CLYBL: variants seen among roughly 807,000 people sequenced by gnomAD.
CLYBL encodes the protein citramalyl-CoA lyase, mitochondrial.
In CLYBL, 31 loss-of-function variants were observed where a neutral mutation model predicts 38.9. The observed-to-expected ratio is 0.80, with a 90% CI of 0.60 to 1.08. The LOEUF (loss-of-function observed/expected upper bound fraction) is 1.08, where lower values mean the gene tolerates loss of function less well. Ranked by LOEUF, CLYBL falls within the 50% of genes least tolerant of loss-of-function variation. The probability of loss-of-function intolerance (pLI) is 0.00; values close to 1 mark genes in which losing one functional copy is unlikely to be tolerated. For synonymous variants in CLYBL, 171 were observed against 158.6 expected (o/e 1.08, Z -0.59); for missense variants, 434 against 411.6 (o/e 1.05, Z -0.47).
At position 99,692,286 on chromosome 13, in the gene CLYBL, G is replaced by GTT. The variant is rs71215539; in HGVS notation, c.63-80526_63-80525dup. Among the ~76,000 whole-genome samples, 87 of 115,904 alleles carry GTT rather than the reference G, an allele frequency of 7.5e-4. 1 individual carries two copies. The highest frequency in any genetic ancestry group is 3.1e-3 in the East Asian group (10 of 3,266). The allele number at this position is 115,904 out of a possible 152,430, so 76.0% of individuals were successfully genotyped here. ...CATAAAGTTCACATTTGTTTTTTTT[G>GTT]TTTTTTTTTTTTTGTTTGTTTTTTT... On this transcript the variant is annotated intron_variant, in intron 1 of 8. Coordinates refer to ENST00000339105, the MANE Select transcript of CLYBL (RefSeq NM_206808.5).
At chr13:99,750,327 A>C (rs1222249721) in intron 1 of CLYBL, among the ~76,000 whole-genome samples, 1 of 152,186 alleles carries the variant, frequency 6.6e-6, no homozygotes, top group Non-Finnish European at 1.5e-5. Flanking sequence ...ATCAGCCCTT[A>C]GAGTCAAAAT....
chr13:99,859,111 G>A (rs1359624359), intron 3 of CLYBL, 62 bp downstream of exon 3: 1 of 1,402,378 alleles, frequency 7.1e-7, no homozygotes, highest in East Asian at 2.4e-5. Context: ...GCAGGAAGAA[G>A]GGATCTGGGT....
At chr13:99,907,160 C>T (rs946378761) in intron 9 of CLYBL, among the ~76,000 whole-genome samples, 1 of 152,174 alleles carries the variant, frequency 6.6e-6, no homozygotes. Flanking sequence ...CTGATGCATA[C>T]CAAGCTGCAA....
intron 2 of CLYBL, among the ~76,000 whole-genome samples, chr13:99,794,149 C>T (rs1035850734): frequency 2.0e-5 from 3 of 152,138 alleles, no homozygotes; most frequent in East Asian, 1.9e-4. Context: ...GGCCAGGCGC[C>T]GTGGCTCATG....
chr13:99,890,529 G>A (rs2052462056), intron 7 of CLYBL, among the ~76,000 whole-genome samples: 1 of 152,096 alleles, frequency 6.6e-6, no homozygotes, highest in Non-Finnish European at 1.5e-5. Flanking sequence ...GCAGTGGTGT[G>A]ACCTTGGCTC....
intron 1 of CLYBL, among the ~76,000 whole-genome samples, chr13:99,688,694 A>C (rs1475657962): frequency 6.6e-6 from 1 of 152,094 alleles, no homozygotes; most frequent in Non-Finnish European, 1.5e-5. Flanking sequence ...AGAGAGAAGA[A>C]ATACATTCCT....
At chr13:99,843,531 A>G (rs2051132311) in intron 2 of CLYBL, among the ~76,000 whole-genome samples, 1 of 152,184 alleles carries the variant, frequency 6.6e-6, no homozygotes, top group African/African-American at 2.4e-5. Flanking sequence ...TAGCTGACAC[A>G]TAAAGCATAT....
chr13:99,868,812 A>G (rs1010086496), intron 6 of CLYBL, among the ~76,000 whole-genome samples: 3 of 152,200 alleles, frequency 2.0e-5, no homozygotes, highest in Non-Finnish European at 1.5e-5. Flanking sequence ...CCAGTGCTAC[A>G]TGCTGAGAAG....
In CLYBL at chr13:99,764,346, G is replaced by A. The variant is rs2049226229; in HGVS notation, c.63-8478G>A. 2.0e-5 allele frequency among the ~76,000 whole-genome samples: 3 copies of A among 152,062 alleles called. No homozygotes were observed. In the South Asian group the frequency reaches 6.2e-4, roughly 31 times the overall value. ...TTGTTATTTAAATGTTTGGTAGGATGCGGCAATAAAGCCATTAGGCCATGT... is the reference window on the plus strand; with the variant it reads ...TTGTTATTTAAATGTTTGGTAGGATACGGCAATAAAGCCATTAGGCCATGT... On this transcript the variant is annotated intron_variant, in intron 1 of 8. Transcript: ENST00000339105.
Position 99,637,962 on chromosome 13 carries a change from C to CTTTTTTTTTTTTT in CLYBL, c.62+31212_62+31224dup, listed in dbSNP as rs34513643. Among the ~76,000 whole-genome samples, 39 of 94,990 alleles carry CTTTTTTTTTTTTT rather than the reference C, an allele frequency of 4.1e-4. 3 individuals carry two copies. The highest frequency in any genetic ancestry group is 5.7e-4 in the Admixed American group (4 of 7,058). 62.3% of individuals were successfully genotyped at this position (94,990 alleles called of 152,430 possible). On this transcript the variant is annotated intron_variant, in intron 1 of 8. Transcript: ENST00000339105. ...ATCTAGTTATCCAAGTCAACAGTGCCTTTTTTTTTTTTTTTTTTTGAGACA... is the reference window on the plus strand; with the variant it reads ...ATCTAGTTATCCAAGTCAACAGTGCCTTTTTTTTTTTTTTTTTTTTTTTTTTTTTTTTGAGACA...
At chr13:99,890,725 C>T (rs544760778) in intron 7 of CLYBL, among the ~76,000 whole-genome samples, 1 of 152,302 alleles carries the variant, frequency 6.6e-6, no homozygotes, top group South Asian at 2.1e-4. Context: ...GCCCCGGCCT[C>T]CCAAAGTGCT....
chr13:99,612,386 CT>C (rs56097059), intron 1 of CLYBL, among the ~76,000 whole-genome samples: 160 of 112,336 alleles, frequency 1.4e-3, no homozygotes, highest in African/African-American at 4.8e-3. Context: ...GACCTTTCTA[CT>C]TTTTTTTTTT....
Position 99,865,463 on chromosome 13 carries a change from AC to A in CLYBL, c.634+553del. The stretch of plus-strand genomic sequence containing the variant: ...ATTCTCACCATCCCTTGTGAGCTGC[AC>A]TTGAGGGGTCTGCATGTTTGACTGG... On this transcript the variant is annotated intron_variant, in intron 5 of 8. Coordinates refer to ENST00000339105, the MANE Select transcript of CLYBL (RefSeq NM_206808.5). The surrounding 1 kb of genome is among the most constrained non-coding windows in gnomAD (Gnocchi z 4.7). Among the ~76,000 whole-genome samples, 1 of 152,272 alleles carries A rather than the reference AC, an allele frequency of 6.6e-6. No individual in the cohort carries two copies. Among genetic ancestry groups the A allele is most frequent in the South Asian group, 2.1e-4 (1 of 4,818 alleles).
intron 2 of CLYBL, among the ~76,000 whole-genome samples, chr13:99,798,220 C>A (rs1159751252): frequency 6.6e-6 from 1 of 152,130 alleles, no homozygotes; most frequent in Non-Finnish European, 1.5e-5. Context: ...TTTTACATTC[C>A]CAGAAGGCCC....
chr13:99,763,853 G>A (rs140895565), intron 1 of CLYBL, among the ~76,000 whole-genome samples: 28 of 152,088 alleles, frequency 1.8e-4, no homozygotes, highest in African/African-American at 6.5e-4. Context: ...GCACCCGGCC[G>A]ATCATGGTGA....
At chr13:99,660,269 A>C (rs910977712) in intron 1 of CLYBL, among the ~76,000 whole-genome samples, 2 of 152,242 alleles carry the variant, frequency 1.3e-5, no homozygotes, top group Non-Finnish European at 2.9e-5. Context: ...AGAAACAAGC[A>C]AAGCATTGTG....
chr13:99,681,423 A>G (rs762338614), intron 1 of CLYBL, among the ~76,000 whole-genome samples: 21 of 152,192 alleles, frequency 1.4e-4, no homozygotes, highest in Non-Finnish European at 2.4e-4. Flanking sequence ...TGCATATATT[A>G]TGCATATCTA....
chr13:99,819,465 T>TATATATATAA lies in CLYBL; in HGVS notation c.250-39393_250-39392insTATATAAATA, dbSNP rs1366110606. Among the ~76,000 whole-genome samples, 507 of 58,660 alleles carry TATATATATAA rather than the reference T, an allele frequency of 8.6e-3. 47 individuals carry two copies. The highest frequency in any genetic ancestry group is 0.019 in the East Asian group (34 of 1,830). The allele number at this position is 58,660 out of a possible 152,430, so 38.5% of individuals were successfully genotyped here. On this transcript the variant is annotated intron_variant, in intron 2 of 8. Coordinates refer to ENST00000339105, the MANE Select transcript of CLYBL (RefSeq NM_206808.5). The stretch of plus-strand genomic sequence containing the variant: ...ATATATATATATATATATATATATA[T>TATATATATAA]ATAATATTTGTCAGGGTTGTCTGGG...
chr13:99,679,733 G>A (rs888391920), intron 1 of CLYBL, among the ~76,000 whole-genome samples: 3 of 151,896 alleles, frequency 2.0e-5, no homozygotes, highest in Admixed American at 6.6e-5. Flanking sequence ...GGAAGGAGAG[G>A]GTGGGGGGGG....
Sources: allele counts gnomAD v4.1 joint callset (sites outside exome capture counted in the v4.1 genomes callset), GRCh38; gene constraint gnomAD v4.1.1; non-coding constraint Gnocchi (gnomAD v3.1); transcripts MANE v1.5; gene names NCBI Gene and HGNC (gene_info 2026-07-23, HGNC 2026-07-21).